Variants in KPNA1 observed in about 807,000 individuals in gnomAD.
KPNA1 encodes importin subunit alpha-5.
Under a neutral mutation model 70.5 loss-of-function variants are expected in KPNA1, and 10 were observed. The ratio of observed to expected loss-of-function variants is 0.14; its 90% CI spans 0.09 to 0.24. The LOEUF (loss-of-function observed/expected upper bound fraction) is 0.24, where lower values mean the gene tolerates loss of function less well. Among genes scored for constraint, KPNA1 ranks in the 10% least tolerant of loss-of-function variants. The pLI is 1.00. For synonymous variants in KPNA1, 192 were observed against 221.9 expected, an observed-to-expected ratio of 0.87 and a Z score of 1.20; for missense variants, 397 against 637.9, an observed-to-expected ratio of 0.62 and a Z score of 4.07.
intron 2 of KPNA1, among the ~76,000 whole-genome samples, chr3:122,472,700 A>T (rs1483547582): frequency 6.6e-6 from 1 of 152,198 alleles, no homozygotes; most frequent in Non-Finnish European, 1.5e-5. Context: ...TAGACTAACA[A>T]AAAGACAGAG....
intron 1 of KPNA1, among the ~76,000 whole-genome samples, chr3:122,507,722 C>T (rs529616658): frequency 6.3e-4 from 95 of 150,980 alleles, no homozygotes; most frequent in Admixed American, 1.3e-3. Context: ...GAAAAATTAT[C>T]TCTTATCTAA....
intron 2 of KPNA1, among the ~76,000 whole-genome samples, chr3:122,493,059 TTAAG>T (rs2076717451): frequency 6.6e-6 from 1 of 152,256 alleles, no homozygotes; most frequent in African/African-American, 2.4e-5. Flanking sequence ...GGTTAATTCA[TTAAG>T]TGCTTAAAAT....
At chr3:122,443,523 G>A (rs546467231) in intron 9 of KPNA1, among the ~76,000 whole-genome samples, 5 of 152,216 alleles carry the variant, frequency 3.3e-5, no homozygotes, top group East Asian at 1.9e-4. Context: ...CCTGAACCCC[G>A]TGTAGCCTAT....
At chr3:122,500,336 G>C (rs2107502454) in intron 1 of KPNA1, among the ~76,000 whole-genome samples, 1 of 152,052 alleles carries the variant, frequency 6.6e-6, no homozygotes, top group East Asian at 1.9e-4. Flanking sequence ...TGGCCAGGCT[G>C]GACTCAAACT....
At chr3:122,444,106 C>T (rs1449479353) in intron 9 of KPNA1, among the ~76,000 whole-genome samples, 2 of 152,198 alleles carry the variant, frequency 1.3e-5, no homozygotes, top group Admixed American at 6.5e-5. Context: ...TTTCCCAGGG[C>T]TGTTCCTTGC....
At chr3:122,508,283 C>T (rs935649017) in intron 1 of KPNA1, among the ~76,000 whole-genome samples, 2 of 152,078 alleles carry the variant, frequency 1.3e-5, no homozygotes, top group Admixed American at 6.5e-5. Flanking sequence ...AACCTGCAAA[C>T]GAAGAAGGCA....
chr3:122,451,227 T>G (rs1019793631), intron 8 of KPNA1, among the ~76,000 whole-genome samples: 4 of 152,202 alleles, frequency 2.6e-5, no homozygotes, highest in African/African-American at 9.6e-5. Flanking sequence ...ACTGAAAGGA[T>G]AGTCTCCTAA....
At chr3:122,440,125 A>G (rs888781543) in intron 10 of KPNA1, among the ~76,000 whole-genome samples, 2 of 152,242 alleles carry the variant, frequency 1.3e-5, no homozygotes, top group Admixed American at 6.5e-5. Context: ...GCCAGAAATT[A>G]TTAGATTTAC....
intron 11 of KPNA1, among the ~76,000 whole-genome samples, chr3:122,436,906 T>C (rs536125616): frequency 6.2e-4 from 94 of 152,186 alleles, no homozygotes; most frequent in Non-Finnish European, 1.2e-3. Flanking sequence ...GCCTCCCGCG[T>C]AGCTGGGACT....
intron 5 of KPNA1, chr3:122,460,732 T>TAA (rs1396529100): frequency 1.1e-6 from 1 of 922,046 alleles, no homozygotes; most frequent in Non-Finnish European, 1.3e-6. Context: ...ACTGAAAGCC[T>TAA]AAATTGACAC....
chr3:122,509,247 C>CAA (rs112225791), intron 1 of KPNA1, among the ~76,000 whole-genome samples: 25 of 122,094 alleles, frequency 2.0e-4, no homozygotes, highest in African/African-American at 2.4e-4. Flanking sequence ...CTCTATCAAA[C>CAA]AAAAAAAAAA....
At position 122,451,546 on chromosome 3, in the gene KPNA1, T is replaced by C. The variant is rs778302828; in HGVS notation, c.741A>G (p.Pro247=). The change falls in exon 8 of 14, where the codon CCA becomes CCG. Residue 247 remains proline, a synonymous_variant. Coordinates refer to ENST00000344337, the MANE Select transcript of KPNA1 (RefSeq NM_002264.4). ...SNLCRGKSPP[P]EFAKVSPCLN... is the part of the protein sequence containing the mutation. ...GCATAGTCCTTACCTTTGCAAATTCTGGAGGTGGACTTTTCCCTCTACAGA... is the reference window on the plus strand; with the variant it reads ...GCATAGTCCTTACCTTTGCAAATTCCGGAGGTGGACTTTTCCCTCTACAGA... 30 of 1,610,458 alleles carry C rather than the reference T, an allele frequency of 1.9e-5. No individual in the cohort carries two copies. The highest frequency in any genetic ancestry group is 2.5e-5 in the Non-Finnish European group (30 of 1,177,212).
At chr3:122,452,781 T>A (rs191783052) in intron 6 of KPNA1, among the ~76,000 whole-genome samples, 1 of 140,456 alleles carries the variant, frequency 7.1e-6, no homozygotes, top group East Asian at 2.1e-4. Flanking sequence ...GAAGGAGAGA[T>A]GGAGAGACGG....
At chr3:122,497,056 T>C (rs1466865626) in intron 1 of KPNA1, among the ~76,000 whole-genome samples, 4 of 152,230 alleles carry the variant, frequency 2.6e-5, no homozygotes, top group Non-Finnish European at 5.9e-5. Flanking sequence ...TTTTAGTGTA[T>C]TTACAGCTTG....
At chr3:122,451,111 C>G (rs904042107) in intron 8 of KPNA1, among the ~76,000 whole-genome samples, 1 of 151,760 alleles carries the variant, frequency 6.6e-6, no homozygotes, top group Non-Finnish European at 1.5e-5. Context: ...AACTCATGTA[C>G]CTAAACACCA....
chr3:122,451,472 T>C, intron 8 of KPNA1, 62 bp downstream of exon 8: 1 of 812,802 alleles, frequency 1.2e-6, no homozygotes, highest in Non-Finnish European at 2.0e-6. Flanking sequence ...CACCTTACCA[T>C]TGGTTGCAAT....
intron 2 of KPNA1, among the ~76,000 whole-genome samples, chr3:122,479,307 GAGATACCACTACCTACCTATC>G (rs1355247686): frequency 6.6e-6 from 1 of 152,110 alleles, no homozygotes; most frequent in Non-Finnish European, 1.5e-5. Flanking sequence ...CAAACTAAAT[GAGATACCACTACCTACCTATC>G]AGAATGGCCA....
chr3:122,484,851 G>A (rs1455041800), intron 2 of KPNA1, among the ~76,000 whole-genome samples: 3 of 152,094 alleles, frequency 2.0e-5, no homozygotes, highest in Non-Finnish European at 4.4e-5. Flanking sequence ...CTGAATAGCT[G>A]ATTCTAAAGT....
chr3:122,465,592 T>C (rs1009846019), intron 3 of KPNA1, among the ~76,000 whole-genome samples: 2 of 152,206 alleles, frequency 1.3e-5, no homozygotes, highest in Non-Finnish European at 2.9e-5. Flanking sequence ...CCATACATTT[T>C]TAGTTGCACA....
Sources: gnomAD v4.1 joint callset for allele counts (sites outside exome capture counted in the v4.1 genomes callset) on GRCh38, gnomAD v4.1.1 for gene constraint, MANE v1.5 for transcripts, NCBI Gene and HGNC (gene_info 2026-07-23, HGNC 2026-07-21) for gene names.